Variants in ORC3 observed in about 807,000 individuals in gnomAD.
The protein encoded by ORC3 is homolog of latheo, Drosophila.
In ORC3, 78 loss-of-function variants were observed where a neutral mutation model predicts 100.7. The observed-to-expected ratio is 0.77, with a 90% confidence interval of 0.65 to 0.94. The LOEUF is 0.94. Ranked by LOEUF, ORC3 falls within the 40% of genes least tolerant of loss-of-function variation. The pLI is 0.00. For synonymous variants in ORC3, 295 were observed against 289.3 expected (o/e 1.02, Z -0.20); for missense variants, 789 against 823.9 (o/e 0.96, Z 0.52).
intron 11 of ORC3, among the ~76,000 whole-genome samples, chr6:87,629,530 G>A (rs1358069582): frequency 1.3e-5 from 2 of 152,066 alleles, no homozygotes; most frequent in Admixed American, 6.6e-5. Flanking sequence ...ATAACAATAG[G>A]GGGTCTGTCA....
At chr6:87,595,903 A>G (rs1214306245) in intron 2 of ORC3, among the ~76,000 whole-genome samples, 1 of 152,168 alleles carries the variant, frequency 6.6e-6, no homozygotes, top group Non-Finnish European at 1.5e-5. Flanking sequence ...GCCTGATCAT[A>G]GCTCACTTCA....
At chr6:87,616,849 G>A (rs1583050525) in intron 9 of ORC3, among the ~76,000 whole-genome samples, 1 of 151,862 alleles carries the variant, frequency 6.6e-6, no homozygotes, top group African/African-American at 2.4e-5. Flanking sequence ...TGCCCAGGCT[G>A]GAGTGCAGTG....
At position 87,652,308 on chromosome 6, in the gene ORC3, T is replaced by A. The variant is rs541901478; in HGVS notation, c.1383-808T>A. 2.0e-5 allele frequency among the ~76,000 whole-genome samples: 3 copies of A among 152,348 alleles called. No individual in the cohort carries two copies. The East Asian group carries it at 5.8e-4, about 29-fold the overall frequency. On this transcript the variant is annotated intron_variant, in intron 13 of 19. Transcript: ENST00000392844. ...TAAAAATTCCTAATATTGGTCTGAT[T>A]CCTTTTGATGCCATTACTGAGTATG...
At chr6:87,603,819 G>A (rs1778145305) in intron 4 of ORC3, among the ~76,000 whole-genome samples, 1 of 152,124 alleles carries the variant, frequency 6.6e-6, no homozygotes, top group Admixed American at 6.6e-5. Context: ...TTTCTTTGTA[G>A]ATACATTACA....
intron 4 of ORC3, among the ~76,000 whole-genome samples, chr6:87,603,987 T>C (rs36041712): frequency 0.032 from 4,867 of 152,306 alleles, 105 homozygotes; most frequent in Middle Eastern, 0.054. Context: ...TATATTCATA[T>C]TAATTACCTA....
chr6:87,630,334 A>G (rs892559295), intron 11 of ORC3, among the ~76,000 whole-genome samples: 15 of 152,194 alleles, frequency 9.9e-5, no homozygotes, highest in Admixed American at 5.2e-4. Flanking sequence ...CTGGGAGGTC[A>G]AGGCTGCAGT....
At chr6:87,621,328 A>G (rs1457259915) in intron 9 of ORC3, 26 bp from the exon 10 acceptor site, 5 of 1,462,228 alleles carry the variant, frequency 3.4e-6, no homozygotes, top group Non-Finnish European at 4.5e-6. Flanking sequence ...TATAACAAAT[A>G]TGTTTAATCT....
intron 7 of ORC3, among the ~76,000 whole-genome samples, chr6:87,610,547 T>G (rs1248520449): frequency 7.5e-6 from 1 of 133,028 alleles, no homozygotes; most frequent in Non-Finnish European, 1.6e-5. Flanking sequence ...TTATTTTTTT[T>G]TATTTTTTAT....
At chr6:87,644,079 CTTTTTTTTTTTTTT>C (rs1156943778) in intron 13 of ORC3, among the ~76,000 whole-genome samples, 29 of 51,428 alleles carry the variant, frequency 5.6e-4, no homozygotes, top group East Asian at 3.8e-3. Flanking sequence ...GCTGACTGTC[CTTTTTTTTTTTTTT>C]TTTTTTTTTT....
the ORC3 span, among the ~76,000 whole-genome samples, chr6:87,676,359 G>A: frequency 2.0e-5 from 3 of 149,384 alleles, no homozygotes; most frequent in Admixed American, 6.7e-5. Flanking sequence ...CCAACTACTC[G>A]GGAGGCTGAG....
At chr6:87,618,756 G>C (rs944997092) in intron 9 of ORC3, among the ~76,000 whole-genome samples, 1 of 152,090 alleles carries the variant, frequency 6.6e-6, no homozygotes, top group Non-Finnish European at 1.5e-5. Flanking sequence ...GACTAAGTAG[G>C]TCATAGGATG....
chr6:87,606,313 A>G (rs1378028558), intron 5 of ORC3, among the ~76,000 whole-genome samples: 1 of 152,196 alleles, frequency 6.6e-6, no homozygotes. Context: ...TTTAATAAGT[A>G]GAAAGACTTA....
intron 18 of ORC3, 138 bp from the exon 19 acceptor site, chr6:87,665,616 C>A: frequency 3.5e-6 from 2 of 570,536 alleles, no homozygotes; most frequent in Non-Finnish European, 3.2e-6. Context: ...AAGTGATCAT[C>A]AGTGTAGTTT....
At chr6:87,670,702 C>T (rs1237433568), downstream of ORC3, among the ~76,000 whole-genome samples, 1 of 152,148 alleles carries the variant, frequency 6.6e-6, no homozygotes, top group East Asian at 1.9e-4. Flanking sequence ...AACCCTGAAT[C>T]GAAGTAGGGT....
Position 87,667,189 on chromosome 6 carries a change from T to G in ORC3, c.*66T>G. On this transcript the variant is annotated 3_prime_UTR_variant, in exon 20 of 20. Coordinates refer to ENST00000392844, the MANE Select transcript of ORC3 (RefSeq NM_012381.4). ...AGAGAAAAAGGTGACCAGTCATATTTACATATATTAGAGGAGCCTGTTTTG... is the reference window on the plus strand; with the variant it reads ...AGAGAAAAAGGTGACCAGTCATATTGACATATATTAGAGGAGCCTGTTTTG... 1.1e-6 allele frequency: 1 copy of G among 932,528 alleles called. No individual in the cohort carries two copies. The highest frequency in any genetic ancestry group is 1.7e-6 in the Non-Finnish European group (1 of 596,864). 57.8% of individuals were successfully genotyped at this position (932,528 alleles called of 1,614,324 possible). A position where few individuals can be genotyped will look rare whatever the true frequency, so the allele number is the denominator to read the frequency against.
chr6:87,590,855 C>T (rs1157149891), intron 1 of ORC3, among the ~76,000 whole-genome samples: 2 of 151,848 alleles, frequency 1.3e-5, no homozygotes, highest in East Asian at 1.9e-4. Context: ...AGAGTGGGAG[C>T]GTCATGAAAA....
chr6:87,650,495 G>A (rs1943799779), intron 13 of ORC3, among the ~76,000 whole-genome samples: 1 of 152,102 alleles, frequency 6.6e-6, no homozygotes, highest in African/African-American at 2.4e-5. Context: ...ACTCCAGAAT[G>A]ATGCTGAATA....
chr6:87,638,057 C>T (rs1261077234), intron 13 of ORC3, among the ~76,000 whole-genome samples: 1 of 152,210 alleles, frequency 6.6e-6, no homozygotes, highest in Non-Finnish European at 1.5e-5. Flanking sequence ...GTTATACCTT[C>T]TGCTTTTCTT....
downstream of ORC3, among the ~76,000 whole-genome samples, chr6:87,670,308 G>T (rs994864105): frequency 2.0e-5 from 3 of 152,124 alleles, no homozygotes; most frequent in Admixed American, 6.5e-5. Context: ...TGGGACCACA[G>T]GTGTGTGCCA....
Sources: gnomAD v4.1 joint callset for allele counts (sites outside exome capture counted in the v4.1 genomes callset) on GRCh38, gnomAD v4.1.1 for gene constraint, MANE v1.5 for transcripts, NCBI Gene and HGNC (gene_info 2026-07-23, HGNC 2026-07-21) for gene names.